Variants in FAM151B observed in about 807,000 individuals in gnomAD.
The protein encoded by FAM151B is family with sequence similarity 151 member B, also known as protein FAM151B.
A neutral mutation model predicts 31.2 loss-of-function variants in FAM151B; 24 were observed. That is an observed-to-expected ratio of 0.77 (90% CI 0.56 to 1.08). The LOEUF is 1.08. Among genes scored for constraint, FAM151B ranks in the 50% least tolerant of loss-of-function variants. The probability of loss-of-function intolerance (pLI) is 0.00; values close to 1 mark genes in which losing one functional copy is unlikely to be tolerated. For synonymous variants in FAM151B, 105 were observed against 111.4 expected (o/e 0.94, Z 0.36); for missense variants, 293 against 328.6 (o/e 0.89, Z 0.84).
intron 1 of FAM151B, among the ~76,000 whole-genome samples, chr5:80,491,870 G>A (rs925377269): frequency 5.3e-5 from 8 of 152,200 alleles, no homozygotes; most frequent in Middle Eastern, 3.4e-3. Context: ...CCATTTACCC[G>A]CTGATGGTGC....
chr5:80,488,577 G>A (rs1743199425), intron 1 of FAM151B, among the ~76,000 whole-genome samples: 1 of 152,228 alleles, frequency 6.6e-6, no homozygotes, highest in Non-Finnish European at 1.5e-5. Flanking sequence ...CGCGCTGCCT[G>A]GAAAGCTGGC....
At chr5:80,506,534 A>G (rs909908501) in intron 2 of FAM151B, among the ~76,000 whole-genome samples, 2 of 152,180 alleles carry the variant, frequency 1.3e-5, no homozygotes, top group Admixed American at 6.5e-5. Flanking sequence ...AGAAGCATCC[A>G]GTAGATCTAT....
chr5:80,498,549 TTG>T, intron 1 of FAM151B: 3 of 1,076,062 alleles, frequency 2.8e-6, no homozygotes, highest in Non-Finnish European at 2.8e-6. Context: ...TTCTGGTTTG[TTG>T]AAGCAGTAAG....
At chr5:80,509,719 T>G (rs1744112215) in intron 2 of FAM151B, among the ~76,000 whole-genome samples, 1 of 152,262 alleles carries the variant, frequency 6.6e-6, no homozygotes, top group African/African-American at 2.4e-5. Flanking sequence ...GCTGAAAATC[T>G]GAAACGTTAA....
intron 5 of FAM151B, among the ~76,000 whole-genome samples, chr5:80,531,590 C>T (rs888769843): frequency 2.0e-5 from 3 of 152,194 alleles, no homozygotes; most frequent in Admixed American, 2.0e-4. Context: ...TATGAACAGA[C>T]ACCTCTCAGA....
chr5:80,531,118 C>T (rs1003222480), intron 5 of FAM151B, among the ~76,000 whole-genome samples: 1 of 152,052 alleles, frequency 6.6e-6, no homozygotes, highest in Non-Finnish European at 1.5e-5. Flanking sequence ...ACAAACCTGA[C>T]AAAAACAAGA....
intron 2 of FAM151B, among the ~76,000 whole-genome samples, chr5:80,507,255 T>G (rs1744003847): frequency 6.6e-6 from 1 of 152,188 alleles, no homozygotes; most frequent in African/African-American, 2.4e-5. Flanking sequence ...AGAGGGTGAC[T>G]GTGGCAGTTA....
chr5:80,501,199 T>G, intron 1 of FAM151B: 1 of 311,412 alleles, frequency 3.2e-6, no homozygotes. Context: ...TTTTTATTTT[T>G]GTTAGAGACA....
rs199936617 is a variant in FAM151B at position 80,489,194 on chromosome 5, C to CTGTTT, written c.25+1061_25+1065dup. ...ATGTTGAACGTTAATCAGTCGTTTC[C>CTGTTT]TGTTTTGTTTTGTTTTGTTAGAATT... On this transcript the variant is annotated intron_variant, in intron 1 of 5. Coordinates refer to ENST00000282226, the MANE Select transcript of FAM151B (RefSeq NM_205548.3). 9.3e-3 allele frequency among the ~76,000 whole-genome samples: 1,417 copies of CTGTTT among 152,008 alleles called. 25 individuals are homozygous for CTGTTT. Among genetic ancestry groups the CTGTTT allele is most frequent in the African/African-American group, 0.033 (1,367 of 41,430 alleles).
rs186577172 is a variant in FAM151B at position 80,500,645 on chromosome 5, C to T, written c.26-1147C>T. The T allele has an allele frequency of 6.7e-4, 516 of 766,388 alleles. 4 individuals carry two copies. The African/African-American group carries it at 7.0e-3, about 10-fold the overall frequency. 47.5% of individuals were successfully genotyped at this position (766,388 alleles called of 1,614,324 possible). The stretch of plus-strand genomic sequence containing the variant: ...TGTCAGTGGTGTGAGCCCAAAGGTC[C>T]GAAAGGTGTTGCAGCTTCTTCGCCT... On this transcript the variant is annotated intron_variant, in intron 1 of 5. Coordinates refer to ENST00000282226, the MANE Select transcript of FAM151B (RefSeq NM_205548.3).
chr5:80,502,495 G>T (rs1305439223), intron 2 of FAM151B, among the ~76,000 whole-genome samples: 2 of 152,188 alleles, frequency 1.3e-5, no homozygotes, highest in Admixed American at 6.5e-5. Context: ...AAATAATTGG[G>T]CAATATTTAT....
At chr5:80,500,332 C>T (rs1489252285) in intron 1 of FAM151B, 1 of 867,710 alleles carries the variant, frequency 1.2e-6, no homozygotes, top group Non-Finnish European at 1.9e-6. Context: ...CGGCTGGAAC[C>T]ATGGAGGGTG....
At chr5:80,534,240 C>T (rs561846396) in intron 5 of FAM151B, among the ~76,000 whole-genome samples, 2 of 152,088 alleles carry the variant, frequency 1.3e-5, no homozygotes, top group South Asian at 2.1e-4. Flanking sequence ...GGAGGGAATA[C>T]TTCTAAACTC....
rs1271789087 is a variant in FAM151B at position 80,513,612 on chromosome 5, C to T, written c.160C>T (p.His54Tyr). 1 of 1,612,692 alleles carries T rather than the reference C, an allele frequency of 6.2e-7. No homozygotes were observed. The highest frequency in any genetic ancestry group is 8.5e-7 in the Non-Finnish European group (1 of 1,179,640). Residue 54 changes from histidine (H) to tyrosine (Y), a missense_variant, in exon 3 of 6, where the codon CAC becomes TAC. His to Tyr is a moderately conservative substitution (Grantham distance 83). Coordinates refer to ENST00000282226, the MANE Select transcript of FAM151B (RefSeq NM_205548.3). ...QTNEALKSTA[H>Y]MIEADVLLPS... Reference sequence around the variant, plus strand: ...TTCTTTTATTTGGACAGGTACTGCTCACATGATAGAGGCTGATGTCCTTCT... The same window carrying T: ...TTCTTTTATTTGGACAGGTACTGCTTACATGATAGAGGCTGATGTCCTTCT...
At chr5:80,509,394 C>T (rs571503907) in intron 2 of FAM151B, among the ~76,000 whole-genome samples, 1 of 152,230 alleles carries the variant, frequency 6.6e-6, no homozygotes, top group East Asian at 1.9e-4. Context: ...AGTGGGTGTT[C>T]TCTCGCTCCG....
intron 5 of FAM151B, among the ~76,000 whole-genome samples, chr5:80,535,241 T>G (rs549720269): frequency 6.6e-6 from 1 of 152,268 alleles, no homozygotes; most frequent in South Asian, 2.1e-4. Flanking sequence ...ACAGAAATAT[T>G]TTAAAAATCC....
At chr5:80,538,430 T>TTCTTTCTTTCTTTC (rs1745648181) in intron 5 of FAM151B, among the ~76,000 whole-genome samples, 1 of 58,834 alleles carries the variant, frequency 1.7e-5, no homozygotes, top group Non-Finnish European at 3.1e-5. Flanking sequence ...CTTTCTTTCT[T>TTCTTTCTTTCTTTC]TCTTTCTTTC....
At position 80,541,983 on chromosome 5, in the gene FAM151B, A is replaced by G. The variant is rs1284379045; in HGVS notation, c.*151A>G. On this transcript the variant is annotated 3_prime_UTR_variant, in exon 6 of 6. Transcript: ENST00000282226. ...TATTGTATGCTTACTCTGTGGGCAT[A>G]TGTCCTTATAATAGTGCACTTACAT... 1 of 782,718 alleles carries G rather than the reference A, an allele frequency of 1.3e-6. No homozygotes were observed. The highest frequency in any genetic ancestry group is 3.0e-5 in the Admixed American group (1 of 33,184). The allele number at this position is 782,718 out of a possible 1,614,324, so 48.5% of individuals were successfully genotyped here. A position where few individuals can be genotyped will look rare whatever the true frequency, so the allele number is the denominator to read the frequency against.
chr5:80,494,464 CTTTCTTTCTTTCTTT>C (rs1743441822), intron 1 of FAM151B, among the ~76,000 whole-genome samples: 1 of 45,326 alleles, frequency 2.2e-5, no homozygotes, highest in Non-Finnish European at 4.5e-5. Context: ...TCTTTTCTTT[CTTTCTTTCTTTCTTT>C]CTTTCTTTCT....
Sources: allele counts gnomAD v4.1 joint callset (sites outside exome capture counted in the v4.1 genomes callset), GRCh38; gene constraint gnomAD v4.1.1; transcripts MANE v1.5; gene names NCBI Gene and HGNC (gene_info 2026-07-23, HGNC 2026-07-21).